Variants in SPATA6L observed in about 807,000 individuals in gnomAD.
The protein encoded by SPATA6L is spermatogenesis associated 6-like protein.
Under a neutral mutation model 49.2 loss-of-function variants are expected in SPATA6L, and 68 were observed. The ratio of observed to expected loss-of-function variants is 1.38; its 90% CI spans 1.14 to 1.69. The LOEUF (loss-of-function observed/expected upper bound fraction) is 1.69, where lower values mean the gene tolerates loss of function less well. Among genes scored for constraint, SPATA6L ranks in the 40% most tolerant of loss-of-function variants. The pLI is 0.00. For synonymous variants in SPATA6L, 198 were observed against 165.7 expected, an observed-to-expected ratio of 1.19 and a Z score of -1.50; for missense variants, 668 against 464.3, an observed-to-expected ratio of 1.44 and a Z score of -4.03.
intron 9 of SPATA6L, among the ~76,000 whole-genome samples, chr9:4,606,517 G>T (rs564039503): frequency 2.5e-5 from 1 of 40,142 alleles, no homozygotes; most frequent in Admixed American, 3.1e-4. Context: ...CTAACTGGGA[G>T]GCACCCCCCA....
At chr9:4,604,019 T>C (rs185614833) in intron 11 of SPATA6L, among the ~76,000 whole-genome samples, 160 bp downstream of exon 11, 32 of 152,282 alleles carry the variant, frequency 2.1e-4, no homozygotes, top group Admixed American at 1.8e-3. Context: ...ACTGCAGTTA[T>C]CATACAGAGC....
chr9:4,605,181 G>A (rs769681774), intron 10 of SPATA6L, among the ~76,000 whole-genome samples, 166 bp downstream of exon 10: 29 of 152,074 alleles, frequency 1.9e-4, no homozygotes, highest in Non-Finnish European at 2.6e-4. Context: ...TCAAATACCC[G>A]CTACCATTCA....
At chr9:4,624,525 C>T (rs1161731436) in intron 6 of SPATA6L, among the ~76,000 whole-genome samples, 4 of 152,008 alleles carry the variant, frequency 2.6e-5, no homozygotes, top group Admixed American at 2.0e-4. Context: ...GTCAGGAGTT[C>T]GAGACCAGCC....
intron 3 of SPATA6L, among the ~76,000 whole-genome samples, chr9:4,652,841 CAAAAAAAAA>C (rs79392745): frequency 1.8e-4 from 10 of 56,552 alleles, no homozygotes; most frequent in African/African-American, 5.0e-4. Flanking sequence ...AATTCCGTCC[CAAAAAAAAA>C]AAAAAAAAAG....
chr9:4,626,401 G>C (rs1830356163), intron 5 of SPATA6L: 2 of 1,301,902 alleles, frequency 1.5e-6, no homozygotes, highest in Non-Finnish European at 2.0e-6. Flanking sequence ...TTTGAGATCT[G>C]AGTTCCAGCT....
intron 7 of SPATA6L, among the ~76,000 whole-genome samples, chr9:4,620,233 T>G (rs1467158656): frequency 6.6e-6 from 1 of 151,998 alleles, no homozygotes; most frequent in Non-Finnish European, 1.5e-5. Flanking sequence ...CCTTCCCCTG[T>G]GGATTCATAA....
chr9:4,622,205 G>A (rs935410108), intron 7 of SPATA6L, among the ~76,000 whole-genome samples: 3 of 152,210 alleles, frequency 2.0e-5, no homozygotes, highest in Admixed American at 6.5e-5. Flanking sequence ...CCCTTCAACG[G>A]CGAGGGGAAT....
chr9:4,638,760 G>A (rs527484327), intron 3 of SPATA6L, among the ~76,000 whole-genome samples: 1 of 151,268 alleles, frequency 6.6e-6, no homozygotes, highest in Non-Finnish European at 1.5e-5. Context: ...ATAGTGTTAA[G>A]AACTCTTTTC....
At chr9:4,655,612 G>A (rs769114049) in intron 3 of SPATA6L, among the ~76,000 whole-genome samples, 32 of 151,444 alleles carry the variant, frequency 2.1e-4, no homozygotes, top group Non-Finnish European at 4.1e-4. Flanking sequence ...GCAATGGCAC[G>A]ATTTCGGCTC....
rs1822682393 is a variant in SPATA6L, at chr9:4,599,281, G to C, written c.*1530C>G. On this transcript the variant is annotated 3_prime_UTR_variant, in exon 12 of 12. Coordinates refer to ENST00000682582, the MANE Select transcript of SPATA6L (RefSeq NM_001353486.2). ...TTTCAGATTTCAGATTTTTAGATTG[G>C]GAGGTTCAACTTGGATATACCTTTA... Among the ~76,000 whole-genome samples, 1 of 152,136 alleles carries C rather than the reference G, an allele frequency of 6.6e-6. No homozygotes were observed. Among genetic ancestry groups the C allele is most frequent in the African/African-American group, 2.4e-5 (1 of 41,444 alleles).
chr9:4,627,860 A>G, intron 5 of SPATA6L: 1 of 1,231,052 alleles, frequency 8.1e-7, no homozygotes, highest in African/African-American at 1.5e-5. Context: ...AATCAACCTA[A>G]GTGTCCATCA....
chr9:4,665,476 A>T (rs1840721651), intron 1 of SPATA6L, among the ~76,000 whole-genome samples: 1 of 152,212 alleles, frequency 6.6e-6, no homozygotes, highest in Admixed American at 6.5e-5. Context: ...ATGAAACCAC[A>T]CCATTTGCCA....
chr9:4,656,755 C>G (rs566235644), intron 2 of SPATA6L, among the ~76,000 whole-genome samples: 3 of 152,306 alleles, frequency 2.0e-5, no homozygotes, highest in Admixed American at 1.3e-4. Flanking sequence ...AAAAGCCCAT[C>G]TTAAATCAAC....
At chr9:4,665,549 G>A (rs963484726) in intron 1 of SPATA6L, among the ~76,000 whole-genome samples, 1 of 152,168 alleles carries the variant, frequency 6.6e-6, no homozygotes, top group Non-Finnish European at 1.5e-5. Context: ...TGTAATCATA[G>A]CCAGTAGAAA....
intron 4 of SPATA6L, among the ~76,000 whole-genome samples, chr9:4,634,289 A>C (rs1237088326): frequency 6.6e-6 from 1 of 152,228 alleles, no homozygotes; most frequent in Non-Finnish European, 1.5e-5. Context: ...AATTAAAGGC[A>C]AGCTTCTCAC....
In SPATA6L at chr9:4,618,875, C is replaced by A. The variant is rs1243135786; in HGVS notation, c.796G>T (p.Ala266Ser). Residue 266 changes from alanine to serine, a missense_variant, in exon 8 of 12, where the codon GCT (alanine) becomes TCT (serine). Physicochemically the swap from Ala to Ser is moderately conservative, Grantham distance 99 (BLOSUM62 1). Coordinates refer to ENST00000682582, the MANE Select transcript of SPATA6L (RefSeq NM_001353486.2). ...ACTTCTAAAATTACCTTTACGTTAG[C>A]TGCAAGGCTGTCAAGAGAAGAAGCT... ...RRASSLDSLA[A>S]NVKVIKEPDE... 2 of 1,613,022 alleles carry A rather than the reference C, an allele frequency of 1.2e-6. No individual in the cohort carries two copies. The highest frequency in any genetic ancestry group is 3.3e-5 in the Admixed American group (2 of 59,986).
intron 9 of SPATA6L, among the ~76,000 whole-genome samples, chr9:4,609,334 A>G (rs1172758535): frequency 1.3e-5 from 2 of 152,022 alleles, no homozygotes; most frequent in Non-Finnish European, 2.9e-5. Flanking sequence ...CCTGGCAGAG[A>G]CACAACCAAA....
intron 9 of SPATA6L, among the ~76,000 whole-genome samples, chr9:4,612,575 A>T (rs1279886534): frequency 6.6e-6 from 1 of 152,132 alleles, no homozygotes; most frequent in African/African-American, 2.4e-5. Flanking sequence ...TGTTATACGG[A>T]CTTGCAGTTT....
chr9:4,661,907 A>T lies in SPATA6L; in HGVS notation c.169T>A (p.Phe57Ile). The T allele has an allele frequency of 6.2e-7, 1 of 1,613,698 alleles. No individual in the cohort carries two copies. The highest frequency in any genetic ancestry group is 8.5e-7 in the Non-Finnish European group (1 of 1,179,722). Residue 57 changes from phenylalanine to isoleucine, a missense_variant, in exon 2 of 12, where the codon TTT becomes ATT. Transcript: ENST00000682582. ...GAGAAAGTCAAGATCACCTTTTCAAATCTCATGCTCTCCTGAATCATAATG... is the reference window on the plus strand; with the variant it reads ...GAGAAAGTCAAGATCACCTTTTCAATTCTCATGCTCTCCTGAATCATAATG... ...FPIMIQESMRFEKVFESAVDP... is the reference protein window; with the variant it reads ...FPIMIQESMRIEKVFESAVDP...
Sources: allele counts gnomAD v4.1 joint callset (sites outside exome capture counted in the v4.1 genomes callset), GRCh38; gene constraint gnomAD v4.1.1; transcripts MANE v1.5; gene names NCBI Gene and HGNC (gene_info 2026-07-23, HGNC 2026-07-21).